The following UGT1A5 variants were observed in gnomAD, a reference collection of about 807,000 sequenced individuals.
The protein encoded by UGT1A5 is UDP glucuronosyltransferase family 1 member A5.
A neutral mutation model predicts 40.3 loss-of-function variants in UGT1A5; 29 were observed. That is an observed-to-expected ratio of 0.72 (90% confidence interval 0.54 to 0.98). The LOEUF (loss-of-function observed/expected upper bound fraction) is 0.98, where lower values mean the gene tolerates loss of function less well. Among genes scored for constraint, UGT1A5 ranks in the 50% least tolerant of loss-of-function variants. The pLI is 0.00. For missense variants in UGT1A5, 678 were observed against 677.9 expected (o/e 1.00, Z 0.00); for synonymous variants, 257 against 262.5 (o/e 0.98, Z 0.20).
At chr2:233,747,383 G>A (rs979148855) in intron 1 of UGT1A5, 12 of 1,605,438 alleles carry the variant, frequency 7.5e-6, no homozygotes, top group Admixed American at 3.3e-5. Flanking sequence ...GAGGCCACCA[G>A]GCGGTGGTCC....
intron 1 of UGT1A5, among the ~76,000 whole-genome samples, chr2:233,750,255 C>A (rs915928909): frequency 1.3e-5 from 2 of 151,886 alleles, no homozygotes; most frequent in Admixed American, 1.3e-4. Context: ...CAAAGGTCAC[C>A]CTTGCTATGC....
At chr2:233,760,280 A>G (rs1365658904) in intron 1 of UGT1A5, 1 of 1,612,818 alleles carries the variant, frequency 6.2e-7, no homozygotes, top group Non-Finnish European at 8.5e-7. Flanking sequence ...GGCAGGAGCA[A>G]AGGCGCCATG....
chr2:233,763,526 C>T (rs17864704), intron 1 of UGT1A5, among the ~76,000 whole-genome samples: 1 of 152,330 alleles, frequency 6.6e-6, no homozygotes, highest in Non-Finnish European at 1.5e-5. Flanking sequence ...TTGCCATTCT[C>T]CTTTTTCCGG....
chr2:233,767,603 A>G (rs1699427666), intron 2 of UGT1A5, among the ~76,000 whole-genome samples: 1 of 152,166 alleles, frequency 6.6e-6, no homozygotes, highest in African/African-American at 2.4e-5. Context: ...GGAAAGTGAA[A>G]AAATCCTAAG....
chr2:233,729,694 C>A (rs1447462481), intron 1 of UGT1A5: 7 of 1,613,908 alleles, frequency 4.3e-6, no homozygotes, highest in Non-Finnish European at 5.9e-6. Flanking sequence ...GTGTCCAAAC[C>A]CTTCCTCCTA....
rs1450020479 is a variant in UGT1A5, at chr2:233,719,077, A to G, written c.867+5219A>G. ...ACAGCCTATGCTGTTCCATGGACCC[A>G]GAAGGAATTTGATCGCGTTACGCTG... On this transcript the variant is annotated intron_variant, in intron 1 of 4. Transcript: ENST00000373414. The G allele has an allele frequency of 3.3e-5, 54 of 1,614,166 alleles. No individual in the cohort carries two copies. The highest frequency in any genetic ancestry group is 4.4e-5 in the Non-Finnish European group (52 of 1,180,062).
chr2:233,715,507 C>A (rs1195776038), intron 1 of UGT1A5, among the ~76,000 whole-genome samples: 1 of 152,122 alleles, frequency 6.6e-6, no homozygotes, highest in East Asian at 1.9e-4. Flanking sequence ...GTGGGTAGCT[C>A]ACACCTGTAA....
At chr2:233,740,640 G>C (rs1049761331) in intron 1 of UGT1A5, 2 of 151,736 alleles carry the variant, frequency 1.3e-5, no homozygotes, top group Admixed American at 1.3e-4. Flanking sequence ...GCCTTTCCTT[G>C]CCCAGTGTAC....
At position 233,772,696 on chromosome 2, in the gene UGT1A5, TA is replaced by T. The variant is rs1170923656; in HGVS notation, c.*143del. On this transcript the variant is annotated 3_prime_UTR_variant, in exon 5 of 5. Transcript: ENST00000373414. Reference sequence around the variant, plus strand: ...TAAATTAATCAGCCCCAGAGTGCTTTAAAAAATTCTCTTAAATAAAAATAAT... The same window carrying T: ...TAAATTAATCAGCCCCAGAGTGCTTTAAAAATTCTCTTAAATAAAAATAAT... 2 of 1,482,484 alleles carry T rather than the reference TA, an allele frequency of 1.3e-6. No homozygotes were observed. The highest frequency in any genetic ancestry group is 1.8e-6 in the Non-Finnish European group (2 of 1,123,730). 91.8% of individuals were successfully genotyped at this position (1,482,484 alleles called of 1,614,324 possible).
chr2:233,741,193 A>G (rs1392920189), intron 1 of UGT1A5, among the ~76,000 whole-genome samples: 1 of 151,910 alleles, frequency 6.6e-6, no homozygotes, highest in Non-Finnish European at 1.5e-5. Flanking sequence ...TTTGCTTTCA[A>G]CTGTTAAAAC....
intron 1 of UGT1A5, chr2:233,744,001 A>C (rs2125858946): frequency 2.5e-6 from 3 of 1,207,932 alleles, no homozygotes; most frequent in Admixed American, 2.6e-5. Context: ...GAGTGCTCGG[A>C]GACCTGGGCC....
At chr2:233,739,325 C>T (rs894619424) in intron 1 of UGT1A5, among the ~76,000 whole-genome samples, 5 of 152,154 alleles carry the variant, frequency 3.3e-5, no homozygotes, top group African/African-American at 1.2e-4. Flanking sequence ...GAGAAGAAGG[C>T]CACAGTCCTT....
chr2:233,767,858 CG>C lies in UGT1A5; in HGVS notation c.1011del (p.Tyr338ThrfsTer29). The C allele has an allele frequency of 6.2e-7, 1 of 1,614,120 alleles. No individual in the cohort carries two copies. Among genetic ancestry groups the C allele is most frequent in the South Asian group, 1.1e-5 (1 of 91,080 alleles). On this transcript the variant is annotated frameshift_variant, in exon 3 of 5. Coordinates refer to ENST00000373414, the MANE Select transcript of UGT1A5 (RefSeq NM_019078.2). LOFTEE classifies it high-confidence loss of function. ...LGKIPQTVLW[R>X]YTGTRPSNLA... The stretch of plus-strand genomic sequence containing the variant: ...TTTTTGCCCCTCCCAGGTCCTGTGG[CG>C]GTACACTGGAACCCGACCATCGAAT...
At chr2:233,739,899 T>G (rs1691241474) in intron 1 of UGT1A5, among the ~76,000 whole-genome samples, 1 of 151,876 alleles carries the variant, frequency 6.6e-6, no homozygotes, top group South Asian at 2.1e-4. Context: ...CCAAATCTCA[T>G]CTCATATTGT....
At position 233,715,197 on chromosome 2, in the gene UGT1A5, C is replaced by T. The variant is rs534544158; in HGVS notation, c.867+1339C>T. 7.9e-5 allele frequency among the ~76,000 whole-genome samples: 12 copies of T among 152,300 alleles called. No individual in the cohort carries two copies. The South Asian group carries it at 2.5e-3, about 32-fold the overall frequency. ...CACCACACCTAGGCAATTTTTCTAT[C>T]TTTTAAAAGACCCTCTACTGAATCT... is the stretch of plus-strand genomic sequence containing the variant. On this transcript the variant is annotated intron_variant, in intron 1 of 4. Coordinates refer to ENST00000373414, the MANE Select transcript of UGT1A5 (RefSeq NM_019078.2).
chr2:233,760,048 C>T (rs189369417), intron 1 of UGT1A5, among the ~76,000 whole-genome samples: 1 of 152,292 alleles, frequency 6.6e-6, no homozygotes, highest in East Asian at 1.9e-4. Flanking sequence ...GCTGTGTTCA[C>T]TCAAGAATGT....
chr2:233,716,944 C>T (rs192038385), intron 1 of UGT1A5, among the ~76,000 whole-genome samples: 1 of 152,264 alleles, frequency 6.6e-6, no homozygotes, highest in Non-Finnish European at 1.5e-5. Context: ...CTCCTATTTC[C>T]CAGGCACCAG....
intron 1 of UGT1A5, chr2:233,719,436 A>G (rs749964914): frequency 6.2e-7 from 1 of 1,613,962 alleles, no homozygotes; most frequent in Non-Finnish European, 8.5e-7. Context: ...AGACCACATG[A>G]CATTCCTGCA....
rs781412186 is a variant in UGT1A5, at chr2:233,767,080, T to C, written c.914T>C (p.Val305Ala). 6.2e-7 allele frequency: 1 copy of C among 1,614,096 alleles called. No individual in the cohort carries two copies. Among genetic ancestry groups the C allele is most frequent in the South Asian group, 1.1e-5 (1 of 91,078 alleles). ...INASGEHGIV[V>A]FSLGSMVSEI... The stretch of plus-strand genomic sequence containing the variant: ...GCTTCTGGAGAACATGGAATTGTGG[T>C]TTTCTCTTTGGGATCAATGGTCTCA... The change falls in exon 2 of 5, where the codon GTT becomes GCT. Residue 305 changes from valine (V) to alanine (A), a missense_variant. By Grantham distance (64) the Val-to-Ala change is moderately conservative. Transcript: ENST00000373414.
Sources: gnomAD v4.1 joint callset for allele counts (sites outside exome capture counted in the v4.1 genomes callset) on GRCh38, gnomAD v4.1.1 for gene constraint, MANE v1.5 for transcripts, NCBI Gene and HGNC (gene_info 2026-07-23, HGNC 2026-07-21) for gene names.